The following DNAJC10 variants were observed in gnomAD, a reference collection of about 807,000 sequenced individuals.
The protein encoded by DNAJC10 is endoplasmic reticulum disulfide reductase DNAJC10.
Under a neutral mutation model 115.0 loss-of-function variants are expected in DNAJC10, and 101 were observed. The ratio of observed to expected loss-of-function variants is 0.88; its 90% CI spans 0.75 to 1.04. The LOEUF (loss-of-function observed/expected upper bound fraction) is 1.04. Ranked by LOEUF, DNAJC10 falls within the 50% of genes least tolerant of loss-of-function variation. The pLI is 0.00. For synonymous variants in DNAJC10, 307 were observed against 301.5 expected, an observed-to-expected ratio of 1.02 and a Z score of -0.19; for missense variants, 981 against 928.8, an observed-to-expected ratio of 1.06 and a Z score of -0.73.
At position 182,740,585 on chromosome 2, in the gene DNAJC10, G is replaced by A. The variant is rs541088756; in HGVS notation, c.1077+197G>A. Among the ~76,000 whole-genome samples, 7 of 152,280 alleles carry A rather than the reference G, an allele frequency of 4.6e-5. No individual in the cohort carries two copies. In the South Asian group the frequency reaches 1.4e-3, roughly 32 times the overall value. On this transcript the variant is annotated intron_variant, in intron 12 of 23. Transcript: ENST00000264065. ...GTTGCTAATTCAGGATGGATCTGTA[G>A]TTCTGGAAAACCTACTCAGTCCTGA...
rs1008495463 is a variant in DNAJC10, at chr2:182,787,097, A to T, written c.*9965A>T. The T allele has an allele frequency of 6.6e-6, 1 of 152,258 alleles. No homozygotes were observed. Among genetic ancestry groups the T allele is most frequent in the Non-Finnish European group, 1.5e-5 (1 of 68,108 alleles). 9.4% of individuals were successfully genotyped at this position (152,258 alleles called of 1,614,324 possible). A position where few individuals can be genotyped will look rare whatever the true frequency, so the allele number is the denominator to read the frequency against. ...TATGAGAAATAAATGTGTTTTTTTA[A>T]GCCAGCCAGTTCATTTTGTTATAGC... On this transcript the variant is annotated 3_prime_UTR_variant, in exon 24 of 24. Coordinates refer to ENST00000264065, the MANE Select transcript of DNAJC10 (RefSeq NM_018981.4).
rs1694866566 is a variant in DNAJC10 at position 182,782,345 on chromosome 2, T to G, written c.*5213T>G. 6.6e-6 allele frequency: 1 copy of G among 152,076 alleles called. No homozygotes were observed. Among genetic ancestry groups the G allele is most frequent in the African/African-American group, 2.4e-5 (1 of 41,440 alleles). 9.4% of individuals were successfully genotyped at this position (152,076 alleles called of 1,614,324 possible). On this transcript the variant is annotated 3_prime_UTR_variant, in exon 24 of 24. Transcript: ENST00000264065. ...ACCAGTACCATGCTGTTTTGGTTAC[T>G]GAGCCTTGTAGTATAGTTCGTTCTT...
intron 22 of DNAJC10, among the ~76,000 whole-genome samples, chr2:182,772,691 G>A (rs1694598908): frequency 6.6e-6 from 1 of 152,030 alleles, no homozygotes; most frequent in Non-Finnish European, 1.5e-5. Flanking sequence ...CCATTTGCTT[G>A]GTAGATCTTC....
chr2:182,727,488 T>C (rs1329721563), intron 5 of DNAJC10, among the ~76,000 whole-genome samples: 2 of 152,220 alleles, frequency 1.3e-5, no homozygotes, highest in African/African-American at 4.8e-5. Flanking sequence ...GGCAATTTTT[T>C]CGACCACCTC....
chr2:182,732,048 T>C (rs1693460736), intron 9 of DNAJC10, among the ~76,000 whole-genome samples: 1 of 152,156 alleles, frequency 6.6e-6, no homozygotes, highest in Admixed American at 6.5e-5. Context: ...TGTATTCTAG[T>C]GTTCATATTT....
At chr2:182,721,744 A>C (rs1693154630) in intron 4 of DNAJC10, among the ~76,000 whole-genome samples, 1 of 152,106 alleles carries the variant, frequency 6.6e-6, no homozygotes, top group Non-Finnish European at 1.5e-5. Flanking sequence ...TTAAAACCAT[A>C]ATATAAATTT....
chr2:182,785,327 TC>T lies in DNAJC10; in HGVS notation c.*8196del, dbSNP rs1453055261. 1.3e-5 allele frequency: 2 copies of T among 152,072 alleles called. No individual in the cohort carries two copies. The highest frequency in any genetic ancestry group is 4.8e-5 in the African/African-American group (2 of 41,418). 9.4% of individuals were successfully genotyped at this position (152,072 alleles called of 1,614,324 possible). ...TTTTAATTCAAAAATCTCAGGGTTT[TC>T]TGGGGCTTTTAGTACTCCTTTGTGA... On this transcript the variant is annotated 3_prime_UTR_variant, in exon 24 of 24. Transcript: ENST00000264065.
At chr2:182,730,011 A>T (rs536194538) in intron 8 of DNAJC10, 70 bp downstream of exon 8, 1 of 1,004,416 alleles carries the variant, frequency 1.0e-6, no homozygotes, top group Non-Finnish European at 1.5e-6. Flanking sequence ...TTTAATGGCA[A>T]TATTAACATT....
At chr2:182,743,006 C>G (rs1464159204) in intron 13 of DNAJC10, among the ~76,000 whole-genome samples, 1 of 152,068 alleles carries the variant, frequency 6.6e-6, no homozygotes, top group Non-Finnish European at 1.5e-5. Flanking sequence ...GCCACCATGC[C>G]TGGCTAATTT....
rs288306 is a variant in DNAJC10 at position 182,787,559 on chromosome 2, C to T, written c.*10427C>T. ...CTTGGTTAGCAGTCTTAACCTCTAA[C>T]CAACTGAACAAATCGAAGACATTTA... On this transcript the variant is annotated 3_prime_UTR_variant, in exon 24 of 24. Coordinates refer to ENST00000264065, the MANE Select transcript of DNAJC10 (RefSeq NM_018981.4). The T allele has an allele frequency of 0.64, 97,481 of 152,044 alleles. 31,596 individuals are homozygous for T. Among genetic ancestry groups the T allele is most frequent in the Middle Eastern group, 0.74 (217 of 294 alleles). The allele number at this position is 152,044 out of a possible 1,614,324, so 9.4% of individuals were successfully genotyped here.
intron 9 of DNAJC10, 62 bp downstream of exon 9, chr2:182,731,169 T>G (rs1693437603): frequency 1.6e-6 from 2 of 1,226,806 alleles, no homozygotes; most frequent in Non-Finnish European, 2.4e-6. Context: ...TGGTGACAGT[T>G]TTAAGTATGC....
chr2:182,750,007 A>C (rs529505768), intron 14 of DNAJC10, among the ~76,000 whole-genome samples: 49 of 152,172 alleles, frequency 3.2e-4, no homozygotes, highest in Non-Finnish European at 6.2e-4. Flanking sequence ...GTTCCTCATC[A>C]TGTGGGCCTT....
chr2:182,751,784 C>T lies in DNAJC10; in HGVS notation c.1433C>T (p.Pro478Leu), dbSNP rs1374315433. The part of the protein sequence containing the change: ...KEPWLVDFFA[P>L]WCPPCRALLP... ...CCATGGCTTGTTGATTTCTTTGCCC[C>T]CGTAAGTTATTTTTATCTGTCAGAT... Residue 478 changes from proline (P) to leucine (L), a missense_variant and splice_region_variant, in exon 15 of 24, where the codon CCC becomes CTC. By Grantham distance (98) the Pro-to-Leu change is moderately conservative (BLOSUM62 -3). Transcript: ENST00000264065. 2.5e-6 allele frequency: 4 copies of T among 1,611,238 alleles called. No homozygotes were observed. The highest frequency in any genetic ancestry group is 3.4e-6 in the Non-Finnish European group (4 of 1,179,492).
intron 3 of DNAJC10, among the ~76,000 whole-genome samples, chr2:182,719,444 G>A (rs1164876591): frequency 3.3e-5 from 5 of 151,464 alleles, no homozygotes; most frequent in African/African-American, 7.3e-5. Flanking sequence ...TAGTAGAAAC[G>A]GGGCTTCACC....
intron 1 of DNAJC10, among the ~76,000 whole-genome samples, chr2:182,716,750 C>T (rs1463779503): frequency 6.6e-6 from 1 of 152,110 alleles, no homozygotes; most frequent in Admixed American, 6.5e-5. Context: ...CAGCCCTGTT[C>T]CCCCGTGTCT....
rs1026787253 is a variant in DNAJC10 at position 182,782,204 on chromosome 2, A to G, written c.*5072A>G. 1 of 152,186 alleles carries G rather than the reference A, an allele frequency of 6.6e-6. No individual in the cohort carries two copies. The highest frequency in any genetic ancestry group is 1.5e-5 in the Non-Finnish European group (1 of 68,046). The allele number at this position is 152,186 out of a possible 1,614,324, so 9.4% of individuals were successfully genotyped here. A position where few individuals can be genotyped will look rare whatever the true frequency, so the allele number is the denominator to read the frequency against. ...CCCAACATCATTTATTAAATAGGGA[A>G]TCCTTTCCCCATTGCTTGTTTTTGT... is the stretch of plus-strand genomic sequence containing the variant. On this transcript the variant is annotated 3_prime_UTR_variant, in exon 24 of 24. Coordinates refer to ENST00000264065, the MANE Select transcript of DNAJC10 (RefSeq NM_018981.4).
intron 22 of DNAJC10, among the ~76,000 whole-genome samples, chr2:182,764,392 A>G (rs1429287048): frequency 6.6e-6 from 1 of 152,162 alleles, no homozygotes; most frequent in African/African-American, 2.4e-5. Context: ...AGCTGAGAGT[A>G]AAAAGGCAAC....
intron 7 of DNAJC10, among the ~76,000 whole-genome samples, chr2:182,729,635 G>GA (rs59026447): frequency 0.67 from 102,280 of 151,968 alleles, 35,140 homozygotes; most frequent in African/African-American, 0.8. Flanking sequence ...TGAGGAACCT[G>GA]AACGATTATA....
intron 21 of DNAJC10, among the ~76,000 whole-genome samples, chr2:182,759,804 C>G (rs777575834): frequency 6.6e-6 from 1 of 152,214 alleles, no homozygotes; most frequent in East Asian, 1.9e-4. Flanking sequence ...CCATTCCATA[C>G]CAAAATCTGT....
Sources: allele counts gnomAD v4.1 joint callset (sites outside exome capture counted in the v4.1 genomes callset), GRCh38; gene constraint gnomAD v4.1.1; transcripts MANE v1.5; gene names NCBI Gene and HGNC (gene_info 2026-07-23, HGNC 2026-07-21).